Variants in CACNB4 observed in about 807,000 individuals in gnomAD.
CACNB4 encodes calcium voltage-gated channel auxiliary subunit beta 4, also known as voltage-dependent L-type calcium channel subunit beta-4.
Under a neutral mutation model 71.2 loss-of-function variants are expected in CACNB4, and 32 were observed. The observed-to-expected ratio is 0.45, with a 90% CI of 0.34 to 0.60. The LOEUF is 0.60. CACNB4 is among the 20% of genes least tolerant of loss of function. The pLI, the probability that CACNB4 is intolerant of heterozygous loss-of-function variation, is 0.01. For missense variants in CACNB4, 464 were observed against 647.9 expected, an observed-to-expected ratio of 0.72 and a Z score of 3.08; for synonymous variants, 231 against 236.9, an observed-to-expected ratio of 0.97 and a Z score of 0.23.
intron 2 of CACNB4, among the ~76,000 whole-genome samples, chr2:152,085,801 T>A (rs1687628480): frequency 6.9e-6 from 1 of 145,532 alleles, no homozygotes; most frequent in African/African-American, 2.5e-5. Flanking sequence ...TTTGATAACC[T>A]GCTGCAGCCA....
At chr2:151,971,381 G>T (rs763718973) in intron 2 of CACNB4, 2 of 629,082 alleles carry the variant, frequency 3.2e-6, no homozygotes, top group South Asian at 3.7e-5. Context: ...GGACATATGC[G>T]GATGGTTCCC....
At chr2:151,870,981 A>G in intron 6 of CACNB4, 120 bp from the exon 7 acceptor site, 1 of 708,118 alleles carries the variant, frequency 1.4e-6, no homozygotes, top group Non-Finnish European at 2.4e-6. Flanking sequence ...CCACCTTCCT[A>G]TCGCCCACTT....
intron 2 of CACNB4, among the ~76,000 whole-genome samples, chr2:151,999,772 C>T (rs1682294194): frequency 2.0e-5 from 3 of 149,046 alleles, no homozygotes; most frequent in African/African-American, 7.5e-5. Flanking sequence ...AACTCCAGGA[C>T]ATAACTAGTA....
Position 152,088,150 on chromosome 2 carries a change from CACACACACACACACACACAT to C in CACNB4, c.147+10160_147+10179del, listed in dbSNP as rs1409993142. 6.7e-5 allele frequency among the ~76,000 whole-genome samples: 10 copies of C among 150,184 alleles called. No individual in the cohort carries two copies. In the South Asian group the frequency reaches 1.3e-3, roughly 20 times the overall value. On this transcript the variant is annotated intron_variant, in intron 2 of 13. Transcript: ENST00000539935. ...ATGCCTTCCCCACTTAACACACACACACACACACACACACACACATACACACACACACACGGCAAATTAAA... is the reference window on the plus strand; with the variant it reads ...ATGCCTTCCCCACTTAACACACACACACACACACACACACGGCAAATTAAA...
intron 2 of CACNB4, among the ~76,000 whole-genome samples, chr2:152,054,143 A>G (rs12470264): frequency 0.99 from 150,883 of 151,654 alleles, 75,059 homozygotes; most frequent in Middle Eastern, 1. Context: ...CGAGACGGGC[A>G]GATCACGAGG....
chr2:151,917,189 G>A (rs2151557018), intron 2 of CACNB4, among the ~76,000 whole-genome samples: 1 of 152,262 alleles, frequency 6.6e-6, no homozygotes, highest in East Asian at 1.9e-4. Context: ...CTGAGTTTGG[G>A]TCATATGCCC....
intron 5 of CACNB4, chr2:151,873,333 A>C (rs553545828): frequency 6.6e-6 from 1 of 152,236 alleles, no homozygotes; most frequent in Non-Finnish European, 1.5e-5. Context: ...GGAAATTTGC[A>C]CTATATACTT....
chr2:151,852,466 G>A (rs1226290114), intron 12 of CACNB4: 1 of 152,202 alleles, frequency 6.6e-6, no homozygotes, highest in Admixed American at 6.5e-5. Flanking sequence ...GTCACACAAA[G>A]TGTATCCAGT....
At chr2:151,922,347 C>T (rs775129294) in intron 2 of CACNB4, among the ~76,000 whole-genome samples, 3 of 152,062 alleles carry the variant, frequency 2.0e-5, no homozygotes, top group Admixed American at 1.3e-4. Context: ...GGACTATAGG[C>T]GTGTGCTGCC....
chr2:151,946,771 C>T (rs1027996622), intron 2 of CACNB4, among the ~76,000 whole-genome samples: 2 of 152,088 alleles, frequency 1.3e-5, no homozygotes, highest in African/African-American at 4.8e-5. Flanking sequence ...AAGAAAACAC[C>T]GTCCCAGGGA....
At chr2:151,908,728 A>G (rs1378759889) in intron 2 of CACNB4, among the ~76,000 whole-genome samples, 1 of 152,202 alleles carries the variant, frequency 6.6e-6, no homozygotes, top group Non-Finnish European at 1.5e-5. Flanking sequence ...AGAGTGAAAG[A>G]AAACATGCCT....
At chr2:152,033,696 G>A (rs1418670106) in intron 2 of CACNB4, among the ~76,000 whole-genome samples, 6 of 152,148 alleles carry the variant, frequency 3.9e-5, no homozygotes, top group Admixed American at 3.3e-4. Context: ...TATTTAGAAA[G>A]TTCTAAATAA....
intron 2 of CACNB4, among the ~76,000 whole-genome samples, chr2:152,071,580 T>TA (rs1174694609): frequency 2.0e-5 from 3 of 152,212 alleles, no homozygotes; most frequent in African/African-American, 7.2e-5. Flanking sequence ...GAATTTACAT[T>TA]AAAAACTAGT....
At chr2:151,861,851 A>AAAAAAAAAAAAAAAAAAAAAAAAAAC (rs201014643) in intron 9 of CACNB4, 22 of 135,324 alleles carry the variant, frequency 1.6e-4, no homozygotes, top group African/African-American at 3.2e-4. Context: ...TCAAAAAAAA[A>AAAAAAAAAAAAAAAAAAAAAAAAAAC]AAAAAAACTG....
chr2:152,059,175 T>C (rs538247905), intron 2 of CACNB4, among the ~76,000 whole-genome samples: 1 of 152,156 alleles, frequency 6.6e-6, no homozygotes, highest in East Asian at 1.9e-4. Context: ...AAATGTGGGG[T>C]TGGAGTCCCC....
intron 2 of CACNB4, among the ~76,000 whole-genome samples, chr2:151,889,284 TGTGG>T (rs2151472737): frequency 6.6e-6 from 1 of 151,850 alleles, no homozygotes; most frequent in East Asian, 1.9e-4. Context: ...GCCTGGCCAA[TGTGG>T]TGAAACCGTC....
intron 2 of CACNB4, among the ~76,000 whole-genome samples, chr2:152,089,972 T>C (rs1687880648): frequency 6.6e-6 from 1 of 152,170 alleles, no homozygotes; most frequent in Non-Finnish European, 1.5e-5. Context: ...GGGACCTGCA[T>C]GCCCCACTCT....
chr2:151,976,664 C>T (rs181634740), intron 2 of CACNB4, among the ~76,000 whole-genome samples: 29 of 152,294 alleles, frequency 1.9e-4, no homozygotes, highest in African/African-American at 6.7e-4. Context: ...TCCAGAGGAA[C>T]CCCAGTGAGA....
intron 2 of CACNB4, among the ~76,000 whole-genome samples, chr2:151,994,357 G>A (rs888541275): frequency 3.3e-5 from 5 of 151,802 alleles, no homozygotes; most frequent in African/African-American, 2.4e-5. Flanking sequence ...AAAGGCGTGT[G>A]CCACCACACC....
Sources: allele counts gnomAD v4.1 joint callset (sites outside exome capture counted in the v4.1 genomes callset), GRCh38; gene constraint gnomAD v4.1.1; transcripts MANE v1.5; gene names NCBI Gene and HGNC (gene_info 2026-07-23, HGNC 2026-07-21).